SRR: variants seen among roughly 807,000 people sequenced by gnomAD.
SRR encodes the protein D-serine ammonia-lyase.
Under a neutral mutation model 32.7 loss-of-function variants are expected in SRR, and 19 were observed. That is an observed-to-expected ratio of 0.58 (90% CI 0.40 to 0.85). The LOEUF is 0.85. Ranked by LOEUF, SRR falls within the 40% of genes least tolerant of loss-of-function variation. The probability of loss-of-function intolerance (pLI) is 0.00; values close to 1 mark genes in which losing one functional copy is unlikely to be tolerated. For missense variants in SRR, 373 were observed against 404.7 expected (o/e 0.92, Z 0.67); for synonymous variants, 142 against 140.9 (o/e 1.01, Z -0.06).
At chr17:2,316,570 T>A (rs2151433321) in intron 2 of SRR, among the ~76,000 whole-genome samples, 1 of 152,282 alleles carries the variant, frequency 6.6e-6, no homozygotes, top group Admixed American at 6.5e-5. Flanking sequence ...ACGGCAAAAC[T>A]CTGTCTACAA....
chr17:2,306,594 G>C (rs4548913), intron 1 of SRR, among the ~76,000 whole-genome samples: 2 of 151,294 alleles, frequency 1.3e-5, no homozygotes, highest in East Asian at 3.9e-4. Flanking sequence ...GTGGGTGCCT[G>C]TAATCCCAGC....
At chr17:2,317,165 T>C (rs1401234394) in intron 2 of SRR, among the ~76,000 whole-genome samples, 1 of 134,594 alleles carries the variant, frequency 7.4e-6, no homozygotes, top group East Asian at 2.2e-4. Context: ...ATCACGCCAT[T>C]GCACTCCACC....
upstream of SRR, chr17:2,303,854 A>C: frequency 1.1e-4 from 55 of 516,360 alleles, no homozygotes; most frequent in East Asian, 3.5e-4. Flanking sequence ...CCCTTTCCGA[A>C]CGACGGTGGC....
chr17:2,316,769 G>A (rs999671710), intron 2 of SRR, among the ~76,000 whole-genome samples: 1 of 152,030 alleles, frequency 6.6e-6, no homozygotes, highest in Non-Finnish European at 1.5e-5. Flanking sequence ...CTGGAGTGCA[G>A]TGGCACGATC....
intron 4 of SRR, among the ~76,000 whole-genome samples, chr17:2,320,648 G>A (rs2075520339): frequency 2.0e-5 from 3 of 151,806 alleles, no homozygotes; most frequent in South Asian, 4.2e-4. Flanking sequence ...TGCAGCCTCC[G>A]CTTCCTGGGT....
Position 2,323,249 on chromosome 17 carries a change from A to G in SRR, c.708A>G (p.Ile236Met), listed in dbSNP as rs1201324683. The G allele has an allele frequency of 1.2e-6, 2 of 1,614,216 alleles. No homozygotes were observed. Among genetic ancestry groups the G allele is most frequent in the East Asian group, 4.5e-5 (2 of 44,884 alleles). Residue 236 changes from isoleucine (I) to methionine (M), a missense_variant, in exon 7 of 8, where the codon ATA becomes ATG. By Grantham distance (10) the Ile-to-Met change is conservative. Transcript: ENST00000344595. Reference protein sequence around the residue: ...LMPNLYPPETIADGVKSSIGL... With the variant: ...LMPNLYPPETMADGVKSSIGL... The stretch of plus-strand genomic sequence containing the variant: ...CCAATCTTTATCCTCCAGAAACCAT[A>G]GCAGATGGTGTCAAATCCAGCATTG...
chr17:2,309,114 A>T (rs1346731902), intron 1 of SRR, among the ~76,000 whole-genome samples: 1 of 152,082 alleles, frequency 6.6e-6, no homozygotes, highest in African/African-American at 2.4e-5. Flanking sequence ...GCGAAACTCC[A>T]TCTCAAAATA....
At position 2,324,139 on chromosome 17, in the gene SRR, G is replaced by T; in HGVS notation, c.*266G>T. 6.6e-7 allele frequency: 1 copy of T among 1,505,740 alleles called. No individual in the cohort carries two copies. The allele number at this position is 1,505,740 out of a possible 1,614,324, so 93.3% of individuals were successfully genotyped here. A position where few individuals can be genotyped will look rare whatever the true frequency, so the allele number is the denominator to read the frequency against. ...TAAACTTTGCCCAATCACAACTTGT[G>T]CCTCCCATCCCTGGAGTACTGACTG... On this transcript the variant is annotated 3_prime_UTR_variant, in exon 8 of 8. Transcript: ENST00000344595.
intron 1 of SRR, chr17:2,307,480 G>A (rs1473701967): frequency 4.9e-6 from 7 of 1,439,218 alleles, no homozygotes; most frequent in Non-Finnish European, 5.8e-6. Flanking sequence ...TCGTGCAGTG[G>A]GGATGGCTAT....
chr17:2,311,168 C>A (rs1171410885), intron 1 of SRR, among the ~76,000 whole-genome samples: 1 of 151,838 alleles, frequency 6.6e-6, no homozygotes, highest in Non-Finnish European at 1.5e-5. Flanking sequence ...GGATTACAGG[C>A]AAGAGCCACC....
Position 2,324,778 on chromosome 17 carries a change from C to G in SRR, c.*905C>G, listed in dbSNP as rs201864213. On this transcript the variant is annotated 3_prime_UTR_variant, in exon 8 of 8. Coordinates refer to ENST00000344595, the MANE Select transcript of SRR (RefSeq NM_021947.3). ...CAGAACAACTCTCTTGATGACCATT[C>G]TGTCTGGATCTACTGACATAAGATG... 6.2e-7 allele frequency: 1 copy of G among 1,614,164 alleles called. No homozygotes were observed. Among genetic ancestry groups the G allele is most frequent in the Admixed American group, 1.7e-5 (1 of 60,024 alleles).
chr17:2,320,809 A>G (rs1223604182), intron 4 of SRR, among the ~76,000 whole-genome samples: 1 of 150,968 alleles, frequency 6.6e-6, no homozygotes, highest in Non-Finnish European at 1.5e-5. Flanking sequence ...TGATCTGCCC[A>G]CCTTGGCCTC....
chr17:2,320,750 C>T (rs1230526808), intron 4 of SRR, among the ~76,000 whole-genome samples: 2 of 152,018 alleles, frequency 1.3e-5, no homozygotes, highest in African/African-American at 2.4e-5. Context: ...TTAGTAGAGA[C>T]GGGGTTTTGC....
chr17:2,318,619 ATTTTTTTTT>A (rs35847724), intron 3 of SRR, among the ~76,000 whole-genome samples, 198 bp from the exon 4 acceptor site: 100 of 92,532 alleles, frequency 1.1e-3, no homozygotes, highest in African/African-American at 3.3e-3. Flanking sequence ...ATGCCTGGCT[ATTTTTTTTT>A]TTTTTTTTTT....
chr17:2,311,447 G>A (rs2075433149), intron 1 of SRR, among the ~76,000 whole-genome samples: 1 of 151,920 alleles, frequency 6.6e-6, no homozygotes, highest in Non-Finnish European at 1.5e-5. Context: ...ACCAGCCTGG[G>A]CAACATGGCA....
At chr17:2,323,080 ACATG>A (rs2075547001) in intron 6 of SRR, 52 bp from the exon 7 acceptor site, 1 of 1,566,144 alleles carries the variant, frequency 6.4e-7, no homozygotes, top group South Asian at 1.1e-5. Flanking sequence ...TTTCTTTTAG[ACATG>A]CAGGCAATGT....
chr17:2,318,976 C>A, intron 4 of SRR, 47 bp downstream of exon 4: 1 of 1,330,992 alleles, frequency 7.5e-7, no homozygotes, highest in Non-Finnish European at 1.1e-6. Flanking sequence ...TTCATTTGAC[C>A]AATGGCTCTT....
chr17:2,314,582 CAAAA>C (rs35790609), intron 1 of SRR, among the ~76,000 whole-genome samples: 6 of 102,932 alleles, frequency 5.8e-5, no homozygotes, highest in African/African-American at 1.1e-4. Context: ...GACTCTGTCT[CAAAA>C]AAAAAAAAAA....
intron 6 of SRR, among the ~76,000 whole-genome samples, chr17:2,321,898 C>G (rs2075532270): frequency 6.6e-6 from 1 of 152,206 alleles, no homozygotes; most frequent in Non-Finnish European, 1.5e-5. Context: ...CTGTCTCAGC[C>G]TCCTGAGTAG....
Sources: gnomAD v4.1 joint callset for allele counts (sites outside exome capture counted in the v4.1 genomes callset) on GRCh38, gnomAD v4.1.1 for gene constraint, MANE v1.5 for transcripts, NCBI Gene and HGNC (gene_info 2026-07-23, HGNC 2026-07-21) for gene names.